The following SCHIP1 variants were observed in gnomAD, a reference collection of about 807,000 sequenced individuals.
SCHIP1 encodes schwannomin interacting protein 1, also known as schwannomin-interacting protein 1.
Under a neutral mutation model 29.7 loss-of-function variants are expected in SCHIP1, and 8 were observed. The ratio of observed to expected loss-of-function variants is 0.27; its 90% CI spans 0.16 to 0.49. SCHIP1 has a LOEUF of 0.49. Among genes scored for constraint, SCHIP1 ranks in the 20% least tolerant of loss-of-function variants. The pLI, the probability that SCHIP1 is intolerant of heterozygous loss-of-function variation, is 0.99. For missense variants in SCHIP1, 193 were observed against 294.6 expected, an observed-to-expected ratio of 0.66 and a Z score of 2.52; for synonymous variants, 76 against 94.9, an observed-to-expected ratio of 0.80 and a Z score of 1.16.
At chr3:159,402,926 TATAATA>T in the SCHIP1 span, among the ~76,000 whole-genome samples, 1 of 151,424 alleles carries the variant, frequency 6.6e-6, no homozygotes, top group African/African-American at 2.4e-5. Flanking sequence ...AAACTTAAAG[TATAATA>T]ATAATAATAA....
chr3:159,410,777 T>C, the SCHIP1 span, among the ~76,000 whole-genome samples: 1 of 152,142 alleles, frequency 6.6e-6, no homozygotes. Flanking sequence ...CTGCTAGGTA[T>C]ATACCTGAAA....
At chr3:159,602,426 C>A in the SCHIP1 span, among the ~76,000 whole-genome samples, 1 of 152,102 alleles carries the variant, frequency 6.6e-6, no homozygotes, top group African/African-American at 2.4e-5. Flanking sequence ...AAACATCAGG[C>A]CGGGCCAGGC....
chr3:159,432,321 TGTGTGTGTGTGTGTGTGTGA>T, the SCHIP1 span, among the ~76,000 whole-genome samples: 1 of 103,460 alleles, frequency 9.7e-6, no homozygotes, highest in African/African-American at 3.2e-5. Flanking sequence ...TGTGTGTGTG[TGTGTGTGTGTGTGTGTGTGA>T]GAGAGAGAGA....
At chr3:159,891,828 A>G (rs1717571091) in intron 5 of SCHIP1, among the ~76,000 whole-genome samples, 1 of 152,168 alleles carries the variant, frequency 6.6e-6, no homozygotes, top group East Asian at 1.9e-4. Context: ...TGCTTTTTCT[A>G]ACAAGCTGTT....
chr3:159,720,236 G>A, the SCHIP1 span, among the ~76,000 whole-genome samples: 4 of 128,766 alleles, frequency 3.1e-5, no homozygotes, highest in Non-Finnish European at 6.6e-5. Flanking sequence ...CGTGGGGTGG[G>A]GGGAGGGGGG....
the SCHIP1 span, among the ~76,000 whole-genome samples, chr3:159,633,961 A>C: frequency 6.6e-6 from 1 of 152,202 alleles, no homozygotes; most frequent in Non-Finnish European, 1.5e-5. Flanking sequence ...TAACTCAAAA[A>C]AACCTGTAAT....
chr3:159,436,347 C>T, the SCHIP1 span, among the ~76,000 whole-genome samples: 3 of 152,086 alleles, frequency 2.0e-5, no homozygotes, highest in South Asian at 2.1e-4. Flanking sequence ...ATTTTTGTGC[C>T]TCAGTTTTCT....
chr3:159,685,013 C>T, the SCHIP1 span, among the ~76,000 whole-genome samples: 6 of 152,136 alleles, frequency 3.9e-5, no homozygotes, highest in Non-Finnish European at 8.8e-5. Context: ...CAGGTAACCT[C>T]ACTGCAAGTT....
At chr3:159,512,001 C>T in the SCHIP1 span, among the ~76,000 whole-genome samples, 1 of 152,084 alleles carries the variant, frequency 6.6e-6, no homozygotes, top group African/African-American at 2.4e-5. Context: ...AATTTGACCG[C>T]GTTGAATTTG....
At chr3:159,479,049 C>G in the SCHIP1 span, among the ~76,000 whole-genome samples, 2 of 152,042 alleles carry the variant, frequency 1.3e-5, no homozygotes, top group African/African-American at 4.8e-5. Flanking sequence ...TGTCTTTTCT[C>G]TTGCCTAATA....
the SCHIP1 span, among the ~76,000 whole-genome samples, chr3:159,385,704 G>C: frequency 1.3e-5 from 2 of 151,908 alleles, no homozygotes; most frequent in Non-Finnish European, 2.9e-5. Context: ...GGGTATTTTA[G>C]AGCATTTTTA....
At chr3:159,546,015 T>G in the SCHIP1 span, among the ~76,000 whole-genome samples, 1 of 152,040 alleles carries the variant, frequency 6.6e-6, no homozygotes, top group Admixed American at 6.6e-5. Flanking sequence ...ATTTATTGTT[T>G]GTATGCTATT....
At chr3:159,426,839 A>G in the SCHIP1 span, among the ~76,000 whole-genome samples, 2 of 152,110 alleles carry the variant, frequency 1.3e-5, no homozygotes, top group Non-Finnish European at 2.9e-5. Flanking sequence ...ATCCACCATG[A>G]TCAAGTGGGT....
chr3:159,621,320 C>A, the SCHIP1 span, among the ~76,000 whole-genome samples: 1 of 152,246 alleles, frequency 6.6e-6, no homozygotes, highest in African/African-American at 2.4e-5. Flanking sequence ...GGAAATTCAA[C>A]AATTTCAAGC....
the SCHIP1 span, among the ~76,000 whole-genome samples, chr3:159,356,028 A>C: frequency 6.6e-6 from 1 of 152,052 alleles, no homozygotes; most frequent in Non-Finnish European, 1.5e-5. Flanking sequence ...TGGTATTTCT[A>C]GTTCTAGATC....
At chr3:159,407,730 A>G in the SCHIP1 span, among the ~76,000 whole-genome samples, 2 of 152,240 alleles carry the variant, frequency 1.3e-5, no homozygotes, top group Non-Finnish European at 2.9e-5. Flanking sequence ...TAACAAGAAG[A>G]AGTCTGGAAA....
chr3:159,702,022 A>T, the SCHIP1 span, among the ~76,000 whole-genome samples: 1 of 152,196 alleles, frequency 6.6e-6, no homozygotes, highest in South Asian at 2.1e-4. Context: ...TACACTTTTG[A>T]GGTACCCTGG....
the SCHIP1 span, among the ~76,000 whole-genome samples, chr3:159,458,782 T>C: frequency 6.6e-6 from 1 of 152,140 alleles, no homozygotes; most frequent in Admixed American, 6.6e-5. Flanking sequence ...TAATCTTTTA[T>C]CCATGGAGCT....
At chr3:159,840,059 T>A in exon 1 of SCHIP1, 1 of 1,496,740 alleles carries the variant, frequency 6.7e-7, no homozygotes, top group Non-Finnish European at 8.8e-7. Flanking sequence ...GCATCCATTT[T>A]AATCTGCGGG....
Sources: allele counts gnomAD v4.1 joint callset (sites outside exome capture counted in the v4.1 genomes callset), GRCh38; gene constraint gnomAD v4.1.1; transcripts MANE v1.5; gene names NCBI Gene and HGNC (gene_info 2026-07-23, HGNC 2026-07-21).